SMPX: variants seen among roughly 807,000 people sequenced by gnomAD.
SMPX encodes the protein small muscular protein.
A neutral mutation model predicts 6.3 loss-of-function variants in SMPX; 2 were observed. The ratio of observed to expected loss-of-function variants is 0.32; its 90% CI spans 0.13 to 0.99. SMPX has a LOEUF of 0.99. SMPX is among the 50% of genes least tolerant of loss of function. The pLI, the probability that SMPX is intolerant of heterozygous loss-of-function variation, is 0.49. For missense variants in SMPX, 60 were observed against 66.8 expected (o/e 0.90, Z 0.36); for synonymous variants, 32 against 24.7 (o/e 1.30, Z -0.88).
In SMPX at chrX:21,737,696, C is replaced by T. The variant is rs761587440; in HGVS notation, c.134G>A (p.Gly45Asp). The T allele has an allele frequency of 1.7e-6, 2 of 1,208,683 alleles. No individual in the cohort carries two copies. The highest frequency in any genetic ancestry group is 3.5e-5 in the African/African-American group (2 of 57,069). The change falls in exon 4 of 5, where the codon GGT becomes GAT. Residue 45 changes from glycine (G) to aspartate (D), a missense_variant and splice_region_variant. By Grantham distance (94) the Gly-to-Asp change is moderately conservative (BLOSUM62 -1). Transcript: ENST00000379494. ...CTCCTCATCCGAGGTGGGAGGAACA[C>T]CCTGAAGAGCAAGGAGAAGAAATCC... Reference protein sequence around the residue: ...RKECTPEVEEGVPPTSDEEKK... With the variant: ...RKECTPEVEEDVPPTSDEEKK...
intron 3 of SMPX, among the ~76,000 whole-genome samples, chrX:21,738,271 C>G (rs1479651004): frequency 1.8e-5 from 2 of 111,574 alleles, no homozygotes; most frequent in Non-Finnish European, 3.8e-5. Context: ...ACATCCTATC[C>G]TTTCTTGTGG....
intron 2 of SMPX, among the ~76,000 whole-genome samples, chrX:21,750,194 G>C (rs2092825969): frequency 9.0e-6 from 1 of 111,564 alleles, no homozygotes; most frequent in African/African-American, 3.3e-5. Context: ...AGCAGTTCTA[G>C]CTTTCCCCAC....
intron 4 of SMPX, among the ~76,000 whole-genome samples, chrX:21,722,129 C>G (rs2092792349): frequency 1.8e-5 from 2 of 111,230 alleles, no homozygotes; most frequent in African/African-American, 6.6e-5. Context: ...CCACTGAACT[C>G]CAGTCTGGGC....
chrX:21,749,588 G>A (rs1186884405), intron 2 of SMPX, among the ~76,000 whole-genome samples: 2 of 111,616 alleles, frequency 1.8e-5, no homozygotes, highest in Non-Finnish European at 3.8e-5. Context: ...CATGGGCTTG[G>A]GGATCAGACT....
intron 1 of SMPX, among the ~76,000 whole-genome samples, chrX:21,754,519 A>G (rs980048059): frequency 2.7e-5 from 3 of 111,694 alleles, no homozygotes; most frequent in African/African-American, 9.8e-5. Context: ...AGGAGGAGAA[A>G]TGGTGAGACG....
At chrX:21,723,189 C>G (rs763716499) in intron 4 of SMPX, among the ~76,000 whole-genome samples, 1 of 111,664 alleles carries the variant, frequency 9.0e-6, no homozygotes, top group South Asian at 3.8e-4. Flanking sequence ...GTCAGAAATG[C>G]AAACTCTGGA....
chrX:21,748,332 T>C (rs773502839), intron 2 of SMPX, among the ~76,000 whole-genome samples: 1 of 112,202 alleles, frequency 8.9e-6, no homozygotes, highest in African/African-American at 3.2e-5. Context: ...AAAATGTTTT[T>C]ATTTTTGCTC....
At chrX:21,729,369 T>A (rs2092800904) in intron 4 of SMPX, among the ~76,000 whole-genome samples, 1 of 112,173 alleles carries the variant, frequency 8.9e-6, no homozygotes, top group Non-Finnish European at 1.9e-5. Flanking sequence ...GGCTGGATCA[T>A]TCTTTGTTGT....
intron 3 of SMPX, among the ~76,000 whole-genome samples, chrX:21,742,509 C>T (rs1484587805): frequency 8.9e-6 from 1 of 111,878 alleles, no homozygotes; most frequent in African/African-American, 3.3e-5. Flanking sequence ...TGAGTTAACT[C>T]GATGGCAAAG....
At chrX:21,748,525 T>C (rs763936809) in intron 2 of SMPX, among the ~76,000 whole-genome samples, 2 of 111,743 alleles carry the variant, frequency 1.8e-5, no homozygotes, top group East Asian at 2.8e-4. Context: ...AAAAATGACA[T>C]CTTTTTGCAA....
At chrX:21,738,816 G>C (rs952393463) in intron 3 of SMPX, among the ~76,000 whole-genome samples, 3 of 110,966 alleles carry the variant, frequency 2.7e-5, no homozygotes, top group Non-Finnish European at 5.7e-5. Flanking sequence ...TGGAGAACTT[G>C]CCTCAGTACG....
At chrX:21,714,225 T>A (rs1009207945) in intron 4 of SMPX, among the ~76,000 whole-genome samples, 2 of 112,208 alleles carry the variant, frequency 1.8e-5, no homozygotes, top group Non-Finnish European at 3.8e-5. Context: ...CTTCTTAGTT[T>A]AAGGGCTCCT....
intron 2 of SMPX, among the ~76,000 whole-genome samples, chrX:21,744,385 T>C (rs1273425496): frequency 8.9e-6 from 1 of 111,864 alleles, no homozygotes; most frequent in East Asian, 2.8e-4. Context: ...CATGTACTTG[T>C]GTGGGTCAGT....
intron 4 of SMPX, among the ~76,000 whole-genome samples, chrX:21,724,343 A>G (rs1036346780): frequency 4.5e-5 from 5 of 111,907 alleles, no homozygotes; most frequent in Admixed American, 1.9e-4. Flanking sequence ...GTCCTCTACC[A>G]TGTGTGTGCA....
At chrX:21,743,677 G>T in intron 3 of SMPX, 73 bp downstream of exon 3, 1 of 909,728 alleles carries the variant, frequency 1.1e-6, no homozygotes, top group Non-Finnish European at 1.6e-6. Context: ...CCCTTGCCTA[G>T]CCTCTGCCCC....
At chrX:21,750,844 A>G (rs905952891) in intron 2 of SMPX, among the ~76,000 whole-genome samples, 1 of 112,238 alleles carries the variant, frequency 8.9e-6, no homozygotes, top group Admixed American at 9.4e-5. Context: ...AGGCCATTCC[A>G]TGCATTACTT....
chrX:21,743,776 T>C lies in SMPX; in HGVS notation c.106A>G (p.Lys36Glu). ...RPGAGQPPRR[K>E]ECTPEVEEGV... ...TCCTCCACTTCAGGAGTACATTCTT[T>C]TCTTCTGGGGGGTTGACCTGCTCCT... Residue 36 changes from lysine to glutamate, a missense_variant, in exon 3 of 5, where the codon AAA becomes GAA. By Grantham distance (56) the Lys-to-Glu change is moderately conservative. Coordinates refer to ENST00000379494, the MANE Select transcript of SMPX (RefSeq NM_014332.3). 5 of 1,209,538 alleles carry C rather than the reference T, an allele frequency of 4.1e-6. No individual in the cohort carries two copies. In the South Asian group the frequency reaches 5.3e-5, roughly 13 times the overall value.
chrX:21,711,555 G>A (rs1017762429), intron 4 of SMPX, among the ~76,000 whole-genome samples: 8 of 111,878 alleles, frequency 7.2e-5, no homozygotes, highest in African/African-American at 2.6e-4. Context: ...GGCTGGTGTG[G>A]GGATGATACA....
chrX:21,731,527 CATACACATTATGTGTGTATGTGTATAT>C lies in SMPX; in HGVS notation c.*14+5995_*14+6021del, dbSNP rs1569306559. On this transcript the variant is annotated intron_variant, in intron 4 of 4. Coordinates refer to ENST00000379494, the MANE Select transcript of SMPX (RefSeq NM_014332.3). ...TACACATTATGTGTGTATGTGTACA[CATACACATTATGTGTGTATGTGTATAT>C]ATACACATTATGTGTATATGTGTAT... Among the ~76,000 whole-genome samples, 393 of 67,353 alleles carry C rather than the reference CATACACATTATGTGTGTATGTGTATAT, an allele frequency of 5.8e-3. 19 individuals carry two copies. In the Middle Eastern group the frequency reaches 0.059, roughly 10 times the overall value. 58.5% of individuals were successfully genotyped at this position (67,353 alleles called of 115,157 possible). A position where few individuals can be genotyped will look rare whatever the true frequency, so the allele number is the denominator to read the frequency against.
Sources: allele counts gnomAD v4.1 joint callset (sites outside exome capture counted in the v4.1 genomes callset), GRCh38; gene constraint gnomAD v4.1.1; transcripts MANE v1.5; gene names NCBI Gene and HGNC (gene_info 2026-07-23, HGNC 2026-07-21).